Variants in ABCA13 observed in about 807,000 individuals in gnomAD.
ABCA13 encodes ATP binding cassette subfamily A member 13, also known as ATP-binding cassette sub-family A member 13.
In ABCA13, 476 loss-of-function variants were observed where a neutral mutation model predicts 478.7. That is an observed-to-expected ratio of 0.99 (90% CI 0.92 to 1.07). The LOEUF is 1.07. Among genes scored for constraint, ABCA13 ranks in the 50% least tolerant of loss-of-function variants. ABCA13 has a pLI of 0.00. For synonymous variants in ABCA13, 2,252 were observed against 2,158.9 expected (o/e 1.04, Z -1.20); for missense variants, 6,060 against 5,910.6 (o/e 1.03, Z -0.83).
intron 43 of ABCA13, among the ~76,000 whole-genome samples, chr7:48,464,684 G>C (rs1425630710): frequency 1.3e-5 from 2 of 152,182 alleles, no homozygotes; most frequent in Non-Finnish European, 2.9e-5. Flanking sequence ...TAATTGGATG[G>C]AGATTAAGGA....
intron 8 of ABCA13, among the ~76,000 whole-genome samples, chr7:48,238,192 T>C (rs1396397430): frequency 1.3e-5 from 2 of 152,174 alleles, no homozygotes; most frequent in Non-Finnish European, 2.9e-5. Context: ...GGGTCTCTTT[T>C]ATCAGGGTGC....
At chr7:48,392,919 T>C (rs1189860544) in intron 38 of ABCA13, among the ~76,000 whole-genome samples, 2 of 152,110 alleles carry the variant, frequency 1.3e-5, no homozygotes, top group Non-Finnish European at 2.9e-5. Flanking sequence ...TGGTAGGACA[T>C]TGGTTGGTCC....
intron 55 of ABCA13, among the ~76,000 whole-genome samples, chr7:48,556,657 A>G (rs1785860552): frequency 6.6e-6 from 1 of 152,012 alleles, no homozygotes; most frequent in Non-Finnish European, 1.5e-5. Context: ...TGCATGGAAT[A>G]TAGTTTTTCC....
intron 55 of ABCA13, among the ~76,000 whole-genome samples, chr7:48,553,490 T>C (rs1018652809): frequency 6.6e-6 from 1 of 152,070 alleles, no homozygotes. Flanking sequence ...TGCCTGTCTT[T>C]TGGATAAAAG....
In ABCA13 at chr7:48,427,961, A is replaced by C. The variant is rs147910616; in HGVS notation, c.12565+90A>C. On this transcript the variant is annotated intron_variant, in intron 42 of 61. Coordinates refer to ENST00000435803, the MANE Select transcript of ABCA13 (RefSeq NM_152701.5). The stretch of plus-strand genomic sequence containing the variant: ...CCCTTGTTTTAAAAGTTGTATAGCA[A>C]GGTTCTGAAGTTAGTGAGGAGATGT... 3.3e-6 allele frequency: 3 copies of C among 898,202 alleles called. No homozygotes were observed. In the East Asian group the frequency reaches 8.1e-5, roughly 24 times the overall value. The allele number at this position is 898,202 out of a possible 1,614,324, so 55.6% of individuals were successfully genotyped here. A position where few individuals can be genotyped will look rare whatever the true frequency, so the allele number is the denominator to read the frequency against.
chr7:48,314,034 G>A (rs1260370625), intron 25 of ABCA13, among the ~76,000 whole-genome samples, 198 bp from the exon 26 acceptor site: 1 of 151,744 alleles, frequency 6.6e-6, no homozygotes, highest in Admixed American at 6.6e-5. Context: ...CTTCTACCAG[G>A]TATGTTGGCC....
At position 48,551,851 on chromosome 7, in the gene ABCA13, G is replaced by A. The variant is rs78876702; in HGVS notation, c.14354+23506G>A. Among the ~76,000 whole-genome samples, 1,456 of 151,806 alleles carry A rather than the reference G, an allele frequency of 9.6e-3. 45 individuals carry two copies. Among genetic ancestry groups the A allele is most frequent in the Admixed American group, 0.014 (220 of 15,184 alleles). On this transcript the variant is annotated intron_variant, in intron 55 of 61. Coordinates refer to ENST00000435803, the MANE Select transcript of ABCA13 (RefSeq NM_152701.5). The stretch of plus-strand genomic sequence containing the variant: ...GACAAGAATGCACATGCCATTCTAA[G>A]GTCACACATTTTCTCACCAGACTCT...
intron 31 of ABCA13, 50 bp downstream of exon 31, chr7:48,352,537 T>A (rs1332244980): frequency 4.1e-6 from 6 of 1,481,352 alleles, no homozygotes; most frequent in Non-Finnish European, 5.4e-6. Context: ...GCCTTGCATT[T>A]GTCTAGCTGA....
At chr7:48,330,485 G>GTCCGTCCATCCATCCATCCA (rs1554447447) in intron 27 of ABCA13, among the ~76,000 whole-genome samples, 1 of 134,856 alleles carries the variant, frequency 7.4e-6, no homozygotes, top group African/African-American at 2.8e-5. Context: ...CCATCCATCC[G>GTCCGTCCATCCATCCATCCA]TCCATCCATC....
chr7:48,240,915 G>A lies in ABCA13; in HGVS notation c.1111G>A (p.Gly371Ser), dbSNP rs1186403886. 2 of 1,610,388 alleles carry A rather than the reference G, an allele frequency of 1.2e-6. No individual in the cohort carries two copies. The highest frequency in any genetic ancestry group is 3.3e-5 in the Admixed American group (2 of 59,720). The change falls in exon 10 of 62, where the codon GGC (glycine) becomes AGC (serine). Residue 371 changes from glycine (G) to serine (S), a missense_variant. Coordinates refer to ENST00000435803, the MANE Select transcript of ABCA13 (RefSeq NM_152701.5). Reference sequence around the variant, plus strand: ...TAGCCTGCTTCAGAAGACACTCACAGGCATGGGCCATAGTCTGGAGGCTCT... The same window carrying A: ...TAGCCTGCTTCAGAAGACACTCACAAGCATGGGCCATAGTCTGGAGGCTCT... Reference protein sequence around the residue: ...QGSLLQKTLTGMGHSLEALRN... With the variant: ...QGSLLQKTLTSMGHSLEALRN...
At position 48,245,526 on chromosome 7, in the gene ABCA13, C is replaced by T. The variant is rs764067861; in HGVS notation, c.1405C>T (p.Leu469=). The change falls in exon 12 of 62, where the codon CTG becomes TTG. Residue 469 remains leucine, a synonymous_variant. Coordinates refer to ENST00000435803, the MANE Select transcript of ABCA13 (RefSeq NM_152701.5). ...LHFVQEVLIC[L]ETSANDFKWF... ...CTACTTTGCAGAAGTCCTCATTTGC[C>T]TGGAGACATCAGCTAATGATTTTAA... The T allele has an allele frequency of 1.1e-5, 17 of 1,611,326 alleles. No homozygotes were observed. The highest frequency in any genetic ancestry group is 3.3e-4 in the Middle Eastern group (2 of 6,074).
rs1257233816 is a variant in ABCA13, at chr7:48,279,156, T to G, written c.7962T>G (p.Ser2654Arg). The change falls in exon 18 of 62, where the codon AGT (serine) becomes AGG (arginine). Residue 2654 changes from serine (S) to arginine (R), a missense_variant. Transcript: ENST00000435803. ...SVKMNLEDMR[S>R]LAVAFNNETQ... Reference sequence around the variant, plus strand: ...AAATGAACTTGGAAGATATGAGGAGTCTTGCGGTAGCATTTAACAATGAGA... The same window carrying G: ...AAATGAACTTGGAAGATATGAGGAGGCTTGCGGTAGCATTTAACAATGAGA... 1 of 1,604,328 alleles carries G rather than the reference T, an allele frequency of 6.2e-7. No individual in the cohort carries two copies. Among genetic ancestry groups the G allele is most frequent in the Non-Finnish European group, 8.5e-7 (1 of 1,175,754 alleles).
At chr7:48,546,413 A>G (rs1245611993) in intron 55 of ABCA13, among the ~76,000 whole-genome samples, 1 of 151,800 alleles carries the variant, frequency 6.6e-6, no homozygotes, top group Non-Finnish European at 1.5e-5. Flanking sequence ...AATGAATCAA[A>G]ATGCATTAAT....
intron 5 of ABCA13, among the ~76,000 whole-genome samples, chr7:48,224,232 C>T (rs10255965): frequency 0.2 from 30,716 of 152,098 alleles, 3,354 homozygotes; most frequent in Middle Eastern, 0.25. Context: ...TGTTCTTCCC[C>T]GAAGTCAGTT....
At chr7:48,457,627 T>C (rs910257402) in intron 43 of ABCA13, among the ~76,000 whole-genome samples, 1 of 152,246 alleles carries the variant, frequency 6.6e-6, no homozygotes, top group Non-Finnish European at 1.5e-5. Flanking sequence ...AATTGAGATA[T>C]TGGTTTGTTC....
At chr7:48,460,887 C>T (rs561180106) in intron 43 of ABCA13, among the ~76,000 whole-genome samples, 10 of 152,256 alleles carry the variant, frequency 6.6e-5, no homozygotes, top group South Asian at 2.1e-4. Flanking sequence ...AAATGGTCAC[C>T]GGGATGTGAT....
At chr7:48,386,076 T>C (rs910994736) in intron 35 of ABCA13, among the ~76,000 whole-genome samples, 4 of 152,162 alleles carry the variant, frequency 2.6e-5, no homozygotes, top group African/African-American at 9.7e-5. Context: ...GATGCATAGT[T>C]AAGCATTCCT....
chr7:48,621,303 G>C (rs1290785230), intron 59 of ABCA13, among the ~76,000 whole-genome samples: 1 of 152,188 alleles, frequency 6.6e-6, no homozygotes, highest in Non-Finnish European at 1.5e-5. Context: ...TGTTCGTAGA[G>C]TGTTTAATAT....
At chr7:48,445,287 G>T (rs940104710) in intron 42 of ABCA13, among the ~76,000 whole-genome samples, 2 of 152,118 alleles carry the variant, frequency 1.3e-5, no homozygotes, top group African/African-American at 4.8e-5. Flanking sequence ...GGGATTACAG[G>T]CATGAGCCAC....
Sources: allele counts gnomAD v4.1 joint callset (sites outside exome capture counted in the v4.1 genomes callset), GRCh38; gene constraint gnomAD v4.1.1; transcripts MANE v1.5; gene names NCBI Gene and HGNC (gene_info 2026-07-23, HGNC 2026-07-21).